Variants in IRAG2 observed in about 807,000 individuals in gnomAD.
The protein encoded by IRAG2 is inositol 1,4,5-triphosphate receptor associated 2.
Under a neutral mutation model 69.9 loss-of-function variants are expected in IRAG2, and 45 were observed. That is an observed-to-expected ratio of 0.64 (90% confidence interval 0.51 to 0.83). The LOEUF (loss-of-function observed/expected upper bound fraction) is 0.83. IRAG2 is among the 40% of genes least tolerant of loss of function. The pLI is 0.00. For synonymous variants in IRAG2, 193 were observed against 202.4 expected (o/e 0.95, Z 0.40); for missense variants, 520 against 587.0 (o/e 0.89, Z 1.18).
At chr12:25,045,233 G>A (rs1433532479) in intron 16 of IRAG2, among the ~76,000 whole-genome samples, 1 of 151,856 alleles carries the variant, frequency 6.6e-6, no homozygotes, top group East Asian at 1.9e-4. Flanking sequence ...AAAATCTTTG[G>A]GATGTAGAAA....
At chr12:25,009,776 C>G (rs1944460515) in intron 2 of IRAG2, among the ~76,000 whole-genome samples, 1 of 148,376 alleles carries the variant, frequency 6.7e-6, no homozygotes, top group Non-Finnish European at 1.5e-5. Context: ...CAAGGAAGAG[C>G]CAACATTTCA....
At chr12:25,045,848 T>TAAAAAAAAAAA (rs71063392) in intron 16 of IRAG2, among the ~76,000 whole-genome samples, 1 of 131,568 alleles carries the variant, frequency 7.6e-6, no homozygotes, top group Non-Finnish European at 1.6e-5. Flanking sequence ...AAATAAAAGA[T>TAAAAAAAAAAA]AAAAAAAAAA....
intron 9 of IRAG2, among the ~76,000 whole-genome samples, chr12:25,028,100 T>C (rs914218425): frequency 5.3e-5 from 8 of 152,206 alleles, no homozygotes; most frequent in African/African-American, 1.9e-4. Context: ...AATTTTTGTA[T>C]TTGTGGTAAA....
At chr12:25,023,126 CAAA>C (rs139607228) in intron 7 of IRAG2, among the ~76,000 whole-genome samples, 96 of 112,514 alleles carry the variant, frequency 8.5e-4, no homozygotes, top group South Asian at 1.5e-3. Context: ...GACTTCGTCT[CAAA>C]AAAAAAAAAA....
chr12:25,105,204 G>C (rs1948985152), intron 20 of IRAG2, among the ~76,000 whole-genome samples: 1 of 150,512 alleles, frequency 6.6e-6, no homozygotes, highest in African/African-American at 2.4e-5. Context: ...AGCCTCCCAA[G>C]TAGCTGGGAC....
At chr12:25,107,171 G>T in intron 21 of IRAG2, 121 bp downstream of exon 21, 1 of 456,746 alleles carries the variant, frequency 2.2e-6, no homozygotes, top group Non-Finnish European at 3.9e-6. Flanking sequence ...TATTTAAGAT[G>T]AATAACAAAC....
intron 2 of IRAG2, among the ~76,000 whole-genome samples, chr12:25,009,727 G>A (rs570562823): frequency 6.6e-6 from 1 of 152,226 alleles, no homozygotes; most frequent in South Asian, 2.1e-4. Context: ...CAGGAGAGCT[G>A]CTGGTGCAGT....
chr12:25,103,612 G>C (rs1592107259), intron 17 of IRAG2: 1 of 495,450 alleles, frequency 2.0e-6, no homozygotes, highest in Non-Finnish European at 3.6e-6. Context: ...ATATTTGTTA[G>C]ATTGGCATAA....
chr12:25,087,369 T>C (rs1265757492), intron 10 of IRAG2, among the ~76,000 whole-genome samples: 3 of 151,924 alleles, frequency 2.0e-5, no homozygotes. Context: ...GGTTTTGCCA[T>C]GTTGGCCAGG....
chr12:25,006,573 C>A (rs975503845), intron 2 of IRAG2, among the ~76,000 whole-genome samples: 2 of 152,150 alleles, frequency 1.3e-5, no homozygotes, highest in African/African-American at 2.4e-5. Flanking sequence ...TCCTTTGCTG[C>A]AACATGGATG....
At chr12:25,039,555 C>T (rs1006802001) in intron 16 of IRAG2, among the ~76,000 whole-genome samples, 14 of 152,292 alleles carry the variant, frequency 9.2e-5, no homozygotes, top group Non-Finnish European at 1.6e-4. Flanking sequence ...CTCAGCCTCC[C>T]GAGTAGCTGG....
the IRAG2 span, among the ~76,000 whole-genome samples, chr12:24,998,745 A>C: frequency 2.1e-4 from 32 of 152,302 alleles, no homozygotes; most frequent in African/African-American, 7.5e-4. Context: ...AGGATCTCAC[A>C]TAGATGAATC....
chr12:25,011,366 C>T, exon 3 of IRAG2: 2 of 1,231,620 alleles, frequency 1.6e-6, no homozygotes, highest in Non-Finnish European at 1.0e-6. Context: ...CTTCTTTTTC[C>T]AAAGGCTCAG....
At chr12:25,034,503 G>T (rs542308673) in intron 13 of IRAG2, among the ~76,000 whole-genome samples, 61 of 152,166 alleles carry the variant, frequency 4.0e-4, no homozygotes, top group African/African-American at 1.4e-3. Flanking sequence ...ATTTCCATTT[G>T]TTTGGTAGAC....
intron 5 of IRAG2, among the ~76,000 whole-genome samples, chr12:25,015,799 G>A (rs1944522883): frequency 1.3e-5 from 2 of 152,228 alleles, no homozygotes; most frequent in Non-Finnish European, 2.9e-5. Flanking sequence ...AGGCATGAAT[G>A]AGAAAAGCTG....
chr12:25,013,713 T>A (rs73076066), intron 3 of IRAG2, among the ~76,000 whole-genome samples: 8,327 of 152,102 alleles, frequency 0.055, 462 homozygotes, highest in African/African-American at 0.15. Context: ...GAAATTAATA[T>A]GTAATTACTT....
intron 1 of IRAG2, among the ~76,000 whole-genome samples, chr12:25,060,363 T>C (rs1034183766): frequency 1.3e-5 from 2 of 152,138 alleles, no homozygotes; most frequent in Admixed American, 6.6e-5. Flanking sequence ...TAGGTACTTT[T>C]CCCCCATTTC....
At chr12:25,003,079 T>G (rs1283721527), upstream of IRAG2, among the ~76,000 whole-genome samples, 4 of 152,236 alleles carry the variant, frequency 2.6e-5, no homozygotes, top group East Asian at 5.8e-4. Flanking sequence ...GTCCTCATAT[T>G]GAAGATCAAG....
intron 8 of IRAG2, 86 bp downstream of exon 8, chr12:25,079,548 C>A: frequency 7.4e-7 from 1 of 1,347,088 alleles, no homozygotes; most frequent in Non-Finnish European, 1.1e-6. Context: ...GGGGTGTGAG[C>A]AAATGAGAAG....
Sources: allele counts gnomAD v4.1 joint callset (sites outside exome capture counted in the v4.1 genomes callset), GRCh38; gene constraint gnomAD v4.1.1; transcripts MANE v1.5; gene names NCBI Gene and HGNC (gene_info 2026-07-23, HGNC 2026-07-21).